The following SH2D4B variants were observed in gnomAD, a reference collection of about 807,000 sequenced individuals.
SH2D4B encodes the protein SH2 domain containing 4B.
Under a neutral mutation model 61.5 loss-of-function variants are expected in SH2D4B, and 45 were observed. That is an observed-to-expected ratio of 0.73 (90% CI 0.58 to 0.94). The LOEUF (loss-of-function observed/expected upper bound fraction) is 0.94. Ranked by LOEUF, SH2D4B falls within the 40% of genes least tolerant of loss-of-function variation. SH2D4B has a pLI of 0.00. For synonymous variants in SH2D4B, 224 were observed against 220.4 expected (o/e 1.02, Z -0.14); for missense variants, 572 against 574.2 (o/e 1.00, Z 0.04).
chr10:80,540,935 TGAGA>T, intron 1 of SH2D4B: 2 of 1,526,022 alleles, frequency 1.3e-6, no homozygotes, highest in Non-Finnish European at 1.8e-6. Context: ...CAGATGCTGG[TGAGA>T]CCCCAGCCCC....
chr10:80,606,099 A>C (rs1842516698), intron 5 of SH2D4B, among the ~76,000 whole-genome samples: 1 of 152,052 alleles, frequency 6.6e-6, no homozygotes, highest in Non-Finnish European at 1.5e-5. Flanking sequence ...GCCCCATGGG[A>C]CGGGTGCCCA....
intron 3 of SH2D4B, among the ~76,000 whole-genome samples, chr10:80,580,244 G>T (rs887267918): frequency 2.0e-5 from 3 of 152,186 alleles, no homozygotes; most frequent in African/African-American, 7.2e-5. Context: ...CCAGCTTCTG[G>T]TCAGAAGCTG....
At chr10:80,620,883 T>C (rs1281689295) in intron 6 of SH2D4B, among the ~76,000 whole-genome samples, 2 of 152,212 alleles carry the variant, frequency 1.3e-5, no homozygotes, top group African/African-American at 4.8e-5. Context: ...CAACACTCTT[T>C]ATTGAGGGCC....
intron 1 of SH2D4B, among the ~76,000 whole-genome samples, chr10:80,569,647 A>G (rs1842013961): frequency 6.6e-6 from 1 of 150,462 alleles, no homozygotes; most frequent in Non-Finnish European, 1.5e-5. Context: ...GCTCTTATAC[A>G]TTTTTAACAT....
chr10:80,634,465 A>G lies in SH2D4B; in HGVS notation c.1169A>G (p.Asn390Ser), dbSNP rs900672035. ...DFYSFLGVDP[N>S]RHATLTDLVD... ...TACAGCTTCCTGGGAGTGGACCCCA[A>G]TCGCCATGCAACGCTCACGGATCTC... is the stretch of plus-strand genomic sequence containing the variant. Residue 390 changes from asparagine to serine, a missense_variant, in exon 7 of 8, where the codon AAT becomes AGT. Transcript: ENST00000646907. The G allele has an allele frequency of 1.1e-5, 17 of 1,550,330 alleles. No individual in the cohort carries two copies. Among genetic ancestry groups the G allele is most frequent in the Admixed American group, 3.9e-5 (2 of 50,970 alleles).
intron 1 of SH2D4B, among the ~76,000 whole-genome samples, chr10:80,555,947 G>A (rs1353397846): frequency 1.3e-5 from 2 of 152,216 alleles, no homozygotes; most frequent in East Asian, 3.8e-4. Flanking sequence ...TGACCTTGCA[G>A]CTGGGTTGTG....
intron 1 of SH2D4B, chr10:80,540,708 C>A: frequency 1.1e-6 from 1 of 870,106 alleles, no homozygotes; most frequent in Non-Finnish European, 1.7e-6. Context: ...ACTTATCCAG[C>A]ATTACTATGT....
At chr10:80,584,026 T>G (rs933604255) in intron 3 of SH2D4B, among the ~76,000 whole-genome samples, 2 of 152,238 alleles carry the variant, frequency 1.3e-5, no homozygotes, top group Non-Finnish European at 1.5e-5. Flanking sequence ...TTCTGGATGA[T>G]AGAAGACAAG....
intron 6 of SH2D4B, among the ~76,000 whole-genome samples, chr10:80,618,869 G>A (rs1486296140): frequency 6.6e-6 from 1 of 152,134 alleles, no homozygotes; most frequent in East Asian, 1.9e-4. Context: ...TTCAGGGAAC[G>A]GAATGGAGGT....
intron 1 of SH2D4B, among the ~76,000 whole-genome samples, chr10:80,558,208 AC>A (rs1841862378): frequency 6.6e-6 from 1 of 152,084 alleles, no homozygotes; most frequent in Admixed American, 6.5e-5. Context: ...AACATAACAC[AC>A]ATGATTTCAA....
At chr10:80,579,426 T>A (rs567076605) in intron 3 of SH2D4B, among the ~76,000 whole-genome samples, 5 of 152,288 alleles carry the variant, frequency 3.3e-5, no homozygotes, top group African/African-American at 9.6e-5. Flanking sequence ...TGAGGCCAGA[T>A]AAAATTTGCA....
chr10:80,544,997 A>G (rs1172163813), intron 1 of SH2D4B, among the ~76,000 whole-genome samples: 2 of 152,086 alleles, frequency 1.3e-5, no homozygotes, highest in Admixed American at 6.6e-5. Flanking sequence ...CCCACTCGCA[A>G]TGAGCCCCAT....
chr10:80,625,643 G>A lies in SH2D4B; in HGVS notation c.989-8642G>A, dbSNP rs1212026314. Among the ~76,000 whole-genome samples, 3 of 150,068 alleles carry A rather than the reference G, an allele frequency of 2.0e-5. No individual in the cohort carries two copies. The East Asian group carries it at 5.9e-4, about 29-fold the overall frequency. On this transcript the variant is annotated intron_variant, in intron 6 of 7. Coordinates refer to ENST00000646907, the MANE Select transcript of SH2D4B (RefSeq NM_001388272.1). ...GCTGGGGTGCAGTGGTGTGATCTTG[G>A]CTCACTGCAATCTCTACCTCCCGGG...
At chr10:80,634,541 GA>G (rs1290924422) in intron 7 of SH2D4B, 36 bp downstream of exon 7, 1 of 1,543,502 alleles carries the variant, frequency 6.5e-7, no homozygotes, top group East Asian at 2.4e-5. Context: ...GGGGGAGGGG[GA>G]ACTGGTGGAA....
chr10:80,570,041 GGATGACAATGTT>G, intron 1 of SH2D4B, 101 bp from the exon 2 acceptor site: 1 of 1,297,004 alleles, frequency 7.7e-7, no homozygotes, highest in Admixed American at 2.0e-5. Flanking sequence ...TTCTTTTTGT[GGATGACAATGTT>G]CCATAGAGTG....
chr10:80,565,245 T>G (rs1331311051), intron 1 of SH2D4B, among the ~76,000 whole-genome samples: 2 of 152,208 alleles, frequency 1.3e-5, no homozygotes, highest in Non-Finnish European at 2.9e-5. Context: ...TCAGGCCATA[T>G]TTAGTTTGCT....
At chr10:80,573,633 T>C (rs1842090076) in intron 3 of SH2D4B, among the ~76,000 whole-genome samples, 1 of 152,242 alleles carries the variant, frequency 6.6e-6, no homozygotes, top group South Asian at 2.1e-4. Context: ...GGATTCTTAC[T>C]TGTTACTTAC....
At position 80,636,259 on chromosome 10, in the gene SH2D4B, C is replaced by T. The variant is rs193103044; in HGVS notation, c.1209+1754C>T. Reference sequence around the variant, plus strand: ...TGTGAATAGTGCTGCAATAAACATACGTGTGCATGTGTCTTTATAGTAGCA... The same window carrying T: ...TGTGAATAGTGCTGCAATAAACATATGTGTGCATGTGTCTTTATAGTAGCA... On this transcript the variant is annotated intron_variant, in intron 7 of 7. Transcript: ENST00000646907. 7.9e-3 allele frequency among the ~76,000 whole-genome samples: 1,206 copies of T among 152,238 alleles called. 17 individuals are homozygous for T. Among genetic ancestry groups the T allele is most frequent in the Admixed American group, 0.011 (162 of 15,290 alleles).
chr10:80,627,971 T>C (rs533019067), intron 6 of SH2D4B, among the ~76,000 whole-genome samples: 1 of 152,322 alleles, frequency 6.6e-6, no homozygotes, highest in South Asian at 2.1e-4. Flanking sequence ...CTGCATCCCT[T>C]AGCCAGGCCC....
Sources: gnomAD v4.1 joint callset for allele counts (sites outside exome capture counted in the v4.1 genomes callset) on GRCh38, gnomAD v4.1.1 for gene constraint, MANE v1.5 for transcripts, NCBI Gene and HGNC (gene_info 2026-07-23, HGNC 2026-07-21) for gene names.